CSMD1: variants seen among roughly 807,000 people sequenced by gnomAD.
The protein encoded by CSMD1 is CUB and Sushi multiple domains 1.
A neutral mutation model predicts 417.5 loss-of-function variants in CSMD1; 213 were observed. The observed-to-expected ratio is 0.51, with a 90% CI of 0.46 to 0.57. The LOEUF (loss-of-function observed/expected upper bound fraction) is 0.57, where lower values mean the gene tolerates loss of function less well. Among genes scored for constraint, CSMD1 ranks in the 20% least tolerant of loss-of-function variants. The pLI, the probability that CSMD1 is intolerant of heterozygous loss-of-function variation, is 0.00. For synonymous variants in CSMD1, 2,862 were observed against 1,736.8 expected (o/e 1.65, Z -16.11); for missense variants, 6,923 against 4,529.7 (o/e 1.53, Z -15.17).
At chr8:4,402,443 G>A (rs538061733) in intron 3 of CSMD1, among the ~76,000 whole-genome samples, 1 of 152,252 alleles carries the variant, frequency 6.6e-6, no homozygotes, top group African/African-American at 2.4e-5. Flanking sequence ...GTGACTGGAA[G>A]ATAGCATGGA....
chr8:4,888,807 G>C (rs1017160813), intron 1 of CSMD1, among the ~76,000 whole-genome samples: 6 of 151,998 alleles, frequency 3.9e-5, no homozygotes, highest in African/African-American at 1.5e-4. Context: ...AGGTCACAAA[G>C]GCCAACTTGA....
intron 10 of CSMD1, among the ~76,000 whole-genome samples, chr8:3,567,890 TCTTC>T (rs1192323829): frequency 6.6e-6 from 1 of 152,124 alleles, no homozygotes; most frequent in Admixed American, 6.6e-5. Flanking sequence ...TCACTCTCCT[TCTTC>T]CTTCCACACA....
chr8:3,394,832 G>A (rs910043960), intron 17 of CSMD1, among the ~76,000 whole-genome samples: 1 of 152,100 alleles, frequency 6.6e-6, no homozygotes, highest in Non-Finnish European at 1.5e-5. Context: ...TGGAGCAAAT[G>A]TTGTATATCT....
chr8:4,764,881 A>T (rs1282721585), intron 1 of CSMD1, among the ~76,000 whole-genome samples: 1 of 48,020 alleles, frequency 2.1e-5, no homozygotes, highest in Admixed American at 2.7e-4. Flanking sequence ...TCAAAAAAAA[A>T]AAAAAAAAAA....
chr8:2,952,002 A>G (rs1331871409), intron 65 of CSMD1, among the ~76,000 whole-genome samples: 3 of 152,244 alleles, frequency 2.0e-5, no homozygotes, highest in African/African-American at 7.2e-5. Flanking sequence ...AAAACTTAAC[A>G]AAGATTATTG....
chr8:3,736,325 T>A (rs62480990), intron 6 of CSMD1, among the ~76,000 whole-genome samples: 1 of 151,774 alleles, frequency 6.6e-6, no homozygotes, highest in Non-Finnish European at 1.5e-5. Flanking sequence ...CACTGCAGCC[T>A]CCACCTCCTG....
intron 10 of CSMD1, among the ~76,000 whole-genome samples, chr8:3,555,251 A>T (rs1799093450): frequency 6.6e-6 from 1 of 152,086 alleles, no homozygotes; most frequent in Non-Finnish European, 1.5e-5. Context: ...CAGGGCATTT[A>T]GCTAGGAGTC....
chr8:4,528,157 A>G (rs992992897), intron 2 of CSMD1, among the ~76,000 whole-genome samples: 3 of 152,126 alleles, frequency 2.0e-5, no homozygotes, highest in African/African-American at 7.2e-5. Context: ...ATACTTCTCA[A>G]TGTCCTTGTT....
rs1172600205 is a variant in CSMD1 at position 4,578,332 on chromosome 8, A to ATTTTTTTT, written c.302+59002_302+59009dup. 4.7e-3 allele frequency among the ~76,000 whole-genome samples: 231 copies of ATTTTTTTT among 48,764 alleles called. 32 individuals are homozygous for ATTTTTTTT. Among genetic ancestry groups the ATTTTTTTT allele is most frequent in the African/African-American group, 0.017 (218 of 13,096 alleles). 32.0% of individuals were successfully genotyped at this position (48,764 alleles called of 152,430 possible). A position where few individuals can be genotyped will look rare whatever the true frequency, so the allele number is the denominator to read the frequency against. On this transcript the variant is annotated intron_variant, in intron 2 of 69. Coordinates refer to ENST00000635120, the MANE Select transcript of CSMD1 (RefSeq NM_033225.6). ...AGGCACCTGCCACGACACCCGGCTC[A>ATTTTTTTT]TTTTTTTTTTTTTTTTTTTTTTTTT...
intron 54 of CSMD1, 79 bp from the exon 55 acceptor site, chr8:2,978,879 T>A: frequency 2.6e-6 from 3 of 1,166,282 alleles, no homozygotes; most frequent in Non-Finnish European, 3.5e-6. Flanking sequence ...GAAGGCGAAT[T>A]CCTCATCATT....
At position 3,706,391 on chromosome 8, in the gene CSMD1, C is replaced by T. The variant is rs182178430; in HGVS notation, c.1009+2023G>A. 8.9e-4 allele frequency among the ~76,000 whole-genome samples: 135 copies of T among 152,304 alleles called. 1 individual carries two copies. The highest frequency in any genetic ancestry group is 3.2e-3 in the African/African-American group (131 of 41,572). On this transcript the variant is annotated intron_variant, in intron 7 of 69. Coordinates refer to ENST00000635120, the MANE Select transcript of CSMD1 (RefSeq NM_033225.6). ...AACAATTTCATTTTCTCTGTCATAC[C>T]TTTCTTTGGAATGACACATTACCAT...
At chr8:3,693,490 G>A in intron 7 of CSMD1, among the ~76,000 whole-genome samples, 1 of 152,150 alleles carries the variant, frequency 6.6e-6, no homozygotes, top group Non-Finnish European at 1.5e-5. Flanking sequence ...TCAAATTATG[G>A]CAGCAGGCAG....
chr8:2,995,688 T>A (rs894553427), intron 54 of CSMD1, among the ~76,000 whole-genome samples: 1 of 152,146 alleles, frequency 6.6e-6, no homozygotes, highest in African/African-American at 2.4e-5. Flanking sequence ...AACTGTTACA[T>A]CTGTACCATG....
At chr8:4,307,453 G>A (rs11784834) in intron 3 of CSMD1, among the ~76,000 whole-genome samples, 79,162 of 151,916 alleles carry the variant, frequency 0.52, 21,633 homozygotes, top group Middle Eastern at 0.67. Context: ...ACTTCTGAAA[G>A]CCCATGTTAC....
chr8:3,602,716 T>TACACACACACACACAC (rs34593924), intron 8 of CSMD1, among the ~76,000 whole-genome samples: 2 of 146,612 alleles, frequency 1.4e-5, no homozygotes, highest in African/African-American at 5.0e-5. Context: ...CAGGAAGAAT[T>TACACACACACACACAC]ACACACACAC....
intron 7 of CSMD1, among the ~76,000 whole-genome samples, chr8:3,702,504 G>A (rs1266095140): frequency 6.6e-6 from 1 of 152,208 alleles, no homozygotes; most frequent in Admixed American, 6.5e-5. Flanking sequence ...AGAAGAAGAA[G>A]AAGAAATGAC....
At position 3,091,661 on chromosome 8, in the gene CSMD1, A is replaced by G; in HGVS notation, c.7140T>C (p.Gly2380=). The change falls in exon 48 of 70, where the codon GGT becomes GGC. Residue 2380 remains glycine (G), a splice_region_variant and synonymous_variant. Transcript: ENST00000635120. ...CTAGCAGAGGACTTTGCCCAGAAGA[A>G]CCTAAGTGAAACAGAAAAACAAAAA... ...KQFDALEVFD[G]SSGQSPLLVV... 1 of 1,606,716 alleles carries G rather than the reference A, an allele frequency of 6.2e-7. No individual in the cohort carries two copies.
intron 1 of CSMD1, among the ~76,000 whole-genome samples, chr8:4,742,312 G>C (rs1810671709): frequency 1.3e-5 from 2 of 151,840 alleles, no homozygotes; most frequent in Non-Finnish European, 2.9e-5. Context: ...TTATAGGCAT[G>C]AGCCACTGCA....
At chr8:3,418,880 C>T (rs1000870911) in intron 12 of CSMD1, among the ~76,000 whole-genome samples, 6 of 152,186 alleles carry the variant, frequency 3.9e-5, no homozygotes, top group Non-Finnish European at 5.9e-5. Context: ...ACATAGAAAA[C>T]GAATACAACA....
Sources: allele counts gnomAD v4.1 joint callset (sites outside exome capture counted in the v4.1 genomes callset), GRCh38; gene constraint gnomAD v4.1.1; transcripts MANE v1.5; gene names NCBI Gene and HGNC (gene_info 2026-07-23, HGNC 2026-07-21).